The following THADA variants were observed in gnomAD, a reference collection of about 807,000 sequenced individuals.
THADA encodes tRNA (32-2'-O)-methyltransferase regulator THADA.
THADA carries 213 observed loss-of-function variants against 219.8 expected under a neutral mutation model. That is an observed-to-expected ratio of 0.97 (90% CI 0.87 to 1.09). The LOEUF is 1.09. THADA is among the 50% of genes least tolerant of loss of function. THADA has a pLI of 0.00. For missense variants in THADA, 2,956 were observed against 2,311.3 expected (o/e 1.28, Z -5.72); for synonymous variants, 1,018 against 828.9 (o/e 1.23, Z -3.92).
chr2:43,255,146 C>G (rs1380353129), intron 36 of THADA, among the ~76,000 whole-genome samples: 1 of 152,174 alleles, frequency 6.6e-6, no homozygotes, highest in Non-Finnish European at 1.5e-5. Flanking sequence ...TTTTCTCCAA[C>G]TTACTCATAA....
At chr2:43,553,755 T>C (rs998282964) in intron 17 of THADA, among the ~76,000 whole-genome samples, 5 of 152,230 alleles carry the variant, frequency 3.3e-5, no homozygotes, top group African/African-American at 9.6e-5. Flanking sequence ...CGGGTTCCAC[T>C]TTCTCTACAT....
chr2:43,281,903 G>T (rs191033433), intron 35 of THADA, among the ~76,000 whole-genome samples: 1 of 152,246 alleles, frequency 6.6e-6, no homozygotes, highest in East Asian at 1.9e-4. Context: ...CTGAGTAGCT[G>T]GAACTACAGG....
intron 26 of THADA, among the ~76,000 whole-genome samples, chr2:43,475,705 A>G (rs965539233): frequency 6.6e-6 from 1 of 152,240 alleles, no homozygotes; most frequent in Non-Finnish European, 1.5e-5. Flanking sequence ...AGTCATGTGT[A>G]AAGACACACA....
chr2:43,516,140 C>T (rs1226993728), intron 22 of THADA, among the ~76,000 whole-genome samples: 4 of 152,204 alleles, frequency 2.6e-5, no homozygotes, highest in African/African-American at 7.2e-5. Flanking sequence ...TCCAAGTCAT[C>T]ACTATCTCTT....
chr2:43,405,193 T>TCTGTCGACTCTACCGCTATTATA (rs1325727460), intron 28 of THADA, among the ~76,000 whole-genome samples: 4 of 152,220 alleles, frequency 2.6e-5, no homozygotes, highest in African/African-American at 7.2e-5. Flanking sequence ...AAGTCTATTT[T>TCTGTCGACTCTACCGCTATTATA]CTGTCGACTC....
intron 28 of THADA, among the ~76,000 whole-genome samples, chr2:43,410,018 T>TA (rs200952206): frequency 1.9e-3 from 252 of 132,042 alleles, no homozygotes; most frequent in South Asian, 5.0e-3. Flanking sequence ...TCTCATCTCT[T>TA]AAAAAAAAAA....
intron 28 of THADA, among the ~76,000 whole-genome samples, chr2:43,407,891 T>G (rs886261150): frequency 2.0e-5 from 3 of 152,074 alleles, no homozygotes; most frequent in African/African-American, 7.2e-5. Context: ...CCAAATAAAA[T>G]GTAACCACAA....
chr2:43,307,779 A>G (rs1171514254), intron 31 of THADA, among the ~76,000 whole-genome samples: 1 of 152,228 alleles, frequency 6.6e-6, no homozygotes, highest in African/African-American at 2.4e-5. Context: ...TAAAATTAAC[A>G]TTGTCTGGCA....
At chr2:43,354,097 G>A (rs1313084714) in intron 29 of THADA, among the ~76,000 whole-genome samples, 3 of 151,872 alleles carry the variant, frequency 2.0e-5, no homozygotes, top group Admixed American at 1.3e-4. Flanking sequence ...GATTACAGGC[G>A]GGAGTGAGCC....
At chr2:43,330,521 G>A (rs2104495092) in intron 30 of THADA, among the ~76,000 whole-genome samples, 1 of 152,322 alleles carries the variant, frequency 6.6e-6, no homozygotes, top group South Asian at 2.1e-4. Flanking sequence ...TATGAGGGCA[G>A]ATGTGCTCCT....
intron 26 of THADA, among the ~76,000 whole-genome samples, chr2:43,476,490 T>C (rs1442308415): frequency 5.9e-5 from 9 of 152,252 alleles, no homozygotes; most frequent in African/African-American, 1.9e-4. Flanking sequence ...TATGGGATAG[T>C]AAGTTGTCTG....
intron 29 of THADA, among the ~76,000 whole-genome samples, chr2:43,344,714 C>A (rs1024008399): frequency 6.6e-6 from 1 of 151,310 alleles, no homozygotes; most frequent in African/African-American, 2.4e-5. Context: ...CAAACTAATT[C>A]TTGCCTTAGC....
At chr2:43,522,641 T>C (rs1472394478) in intron 22 of THADA, among the ~76,000 whole-genome samples, 1 of 152,232 alleles carries the variant, frequency 6.6e-6, no homozygotes, top group Non-Finnish European at 1.5e-5. Flanking sequence ...GACAAAGTGT[T>C]ATTATGAAAA....
Position 43,397,910 on chromosome 2 carries a change from T to A in THADA, c.4227+61A>T. 4 of 1,578,412 alleles carry A rather than the reference T, an allele frequency of 2.5e-6. No homozygotes were observed. In the South Asian group the frequency reaches 3.4e-5, roughly 14 times the overall value. Reference sequence around the variant, plus strand: ...CAAATCTTCACCAGCTAACAGTACATAAGAAACCAAAGTTCATCTTATGGT... The same window carrying A: ...CAAATCTTCACCAGCTAACAGTACAAAAGAAACCAAAGTTCATCTTATGGT... On this transcript the variant is annotated intron_variant, in intron 29 of 37. Transcript: ENST00000405975.
chr2:43,366,915 T>A (rs1298317234), intron 29 of THADA, among the ~76,000 whole-genome samples: 1 of 152,118 alleles, frequency 6.6e-6, no homozygotes, highest in African/African-American at 2.4e-5. Flanking sequence ...GCAGCATTAT[T>A]CACAATAGCC....
intron 29 of THADA, among the ~76,000 whole-genome samples, chr2:43,393,306 T>C (rs1267240136): frequency 6.6e-6 from 1 of 152,256 alleles, no homozygotes; most frequent in Admixed American, 6.5e-5. Flanking sequence ...TGATAAAGTA[T>C]ATCTTTAGAT....
chr2:43,548,949 C>T (rs1403304632), intron 20 of THADA, among the ~76,000 whole-genome samples: 12 of 152,196 alleles, frequency 7.9e-5, no homozygotes, highest in East Asian at 3.9e-4. Flanking sequence ...AGAAATCACC[C>T]GTCTTCTGCG....
intron 26 of THADA, among the ~76,000 whole-genome samples, chr2:43,481,288 T>C (rs1443497276): frequency 2.6e-5 from 4 of 152,210 alleles, no homozygotes; most frequent in African/African-American, 7.2e-5. Flanking sequence ...TCTCCCAACA[T>C]AGTCACTAGA....
chr2:43,481,202 T>C (rs2104998512), intron 26 of THADA, among the ~76,000 whole-genome samples: 1 of 152,292 alleles, frequency 6.6e-6, no homozygotes, highest in South Asian at 2.1e-4. Flanking sequence ...CCTACACCAC[T>C]AAAATGCTAA....
Sources: allele counts gnomAD v4.1 joint callset (sites outside exome capture counted in the v4.1 genomes callset), GRCh38; gene constraint gnomAD v4.1.1; transcripts MANE v1.5; gene names NCBI Gene and HGNC (gene_info 2026-07-23, HGNC 2026-07-21).